The following EPHA2 variants were observed in gnomAD, a reference collection of about 807,000 sequenced individuals.
EPHA2 encodes the protein EPH receptor A2, also known as ephrin type-A receptor 2.
Under a neutral mutation model 104.9 loss-of-function variants are expected in EPHA2, and 54 were observed. The observed-to-expected ratio is 0.51, with a 90% CI of 0.41 to 0.65. The LOEUF (loss-of-function observed/expected upper bound fraction) is 0.65. Among genes scored for constraint, EPHA2 ranks in the 30% least tolerant of loss-of-function variants. EPHA2 has a pLI of 0.00. For synonymous variants in EPHA2, 560 were observed against 559.1 expected, an observed-to-expected ratio of 1.00 and a Z score of -0.02; for missense variants, 1,117 against 1,369.5, an observed-to-expected ratio of 0.82 and a Z score of 2.91.
chr1:16,132,589 G>C (rs2024596163), intron 11 of EPHA2, 150 bp from the exon 12 acceptor site: 5 of 810,364 alleles, frequency 6.2e-6, no homozygotes, highest in Non-Finnish European at 1.0e-5. Flanking sequence ...GTGGGTACAG[G>C]TATGGGGAGA....
rs2025019324 is a variant in EPHA2, at chr1:16,150,776, C to A, written c.153+120G>T. 10 of 1,149,002 alleles carry A rather than the reference C, an allele frequency of 8.7e-6. No individual in the cohort carries two copies. The highest frequency in any genetic ancestry group is 1.3e-5 in the Non-Finnish European group (10 of 773,126). 71.2% of individuals were successfully genotyped at this position (1,149,002 alleles called of 1,614,324 possible). On this transcript the variant is annotated intron_variant, in intron 2 of 16. Transcript: ENST00000358432. This position sits in a 1 kb window ranked among gnomAD's most constrained non-coding sequence, Gnocchi z 4.8. ...GAGAAGCTGGACCCTGAGCCTGAGACCTGGCTGAGCTGCTGAATTGAAGCC... is the reference window on the plus strand; with the variant it reads ...GAGAAGCTGGACCCTGAGCCTGAGAACTGGCTGAGCTGCTGAATTGAAGCC...
rs2024835610 is a variant in EPHA2 at position 16,142,189 on chromosome 1, TGGCCCCCC to T, written c.824-3767_824-3760del. ...CAGCCCTCCCAGACTGCCCAATTCC[TGGCCCCCC>T]GGCCCCCATTAGGGCATCTATTAAT... On this transcript the variant is annotated intron_variant, in intron 3 of 16. Transcript: ENST00000358432. Among the ~76,000 whole-genome samples, 3 of 152,336 alleles carry T rather than the reference TGGCCCCCC, an allele frequency of 2.0e-5. No individual in the cohort carries two copies. In the South Asian group the frequency reaches 6.2e-4, roughly 32 times the overall value.
At position 16,124,941 on chromosome 1, in the gene EPHA2, G is replaced by T; in HGVS notation, c.*274C>A. ...CCCATATGTCTGTCCGAAGGCTGTG[G>T]CGGGGCTCCTGCTCCAGGGATGCTG... On this transcript the variant is annotated 3_prime_UTR_variant, in exon 17 of 17. Transcript: ENST00000358432. 2.0e-6 allele frequency: 1 copy of T among 493,480 alleles called. No individual in the cohort carries two copies. Among genetic ancestry groups the T allele is most frequent in the Non-Finnish European group, 3.7e-6 (1 of 268,780 alleles). The allele number at this position is 493,480 out of a possible 1,614,324, so 30.6% of individuals were successfully genotyped here.
intron 16 of EPHA2, among the ~76,000 whole-genome samples, chr1:16,127,857 C>G (rs1054722044): frequency 3.9e-5 from 6 of 152,176 alleles, no homozygotes; most frequent in African/African-American, 7.2e-5. Flanking sequence ...AAGACTGCCC[C>G]GTCCCTGCTC....
intron 15 of EPHA2, 81 bp from the exon 16 acceptor site, chr1:16,129,670 A>C: frequency 6.6e-7 from 1 of 1,505,814 alleles, no homozygotes; most frequent in Non-Finnish European, 8.9e-7. Context: ...CCTAACCTGG[A>C]TGATTGACTC....
intron 1 of EPHA2, among the ~76,000 whole-genome samples, chr1:16,154,756 C>CAAAAAA (rs558609049): frequency 4.5e-5 from 3 of 66,860 alleles, no homozygotes; most frequent in Non-Finnish European, 5.7e-5. Context: ...AACTCCGTCT[C>CAAAAAA]AAAAAAAAAA....
Position 16,148,667 on chromosome 1 carries a change from G to T in EPHA2, c.534C>A (p.Phe178Leu), listed in dbSNP as rs776797736. The T allele has an allele frequency of 5.6e-6, 9 of 1,610,292 alleles. No homozygotes were observed. In the South Asian group the frequency reaches 8.8e-5, roughly 16 times the overall value. ...RSVGPLTRKG[F>L]YLAFQDIGAC... Reference sequence around the variant, plus strand: ...CACCGATATCCTGGAAGGCCAGGTAGAAGCCTTTGCGGGTGAGCGGCCCCA... The same window carrying T: ...CACCGATATCCTGGAAGGCCAGGTATAAGCCTTTGCGGGTGAGCGGCCCCA... Residue 178 changes from phenylalanine (F) to leucine (L), a missense_variant, in exon 3 of 17, where the codon TTC becomes TTA. This residue lies in a region of EPHA2 where 664 missense variants were observed against 784.8 expected (regional missense o/e 0.85). Coordinates refer to ENST00000358432, the MANE Select transcript of EPHA2 (RefSeq NM_004431.5). The surrounding 1 kb of genome is among the most constrained non-coding windows in gnomAD (Gnocchi z 4.9).
intron 3 of EPHA2, among the ~76,000 whole-genome samples, chr1:16,141,851 G>T (rs965239823): frequency 6.6e-5 from 10 of 152,360 alleles, no homozygotes; most frequent in Admixed American, 6.5e-4. Context: ...GAGAGGCAGC[G>T]TCAACAGGGC....
At chr1:16,129,677 A>C (rs2124193745) in intron 15 of EPHA2, 88 bp from the exon 16 acceptor site, 1 of 1,483,948 alleles carries the variant, frequency 6.7e-7, no homozygotes, top group South Asian at 1.3e-5. Context: ...TGGATGATTG[A>C]CTCGGCTGCC....
At position 16,134,982 on chromosome 1, in the gene EPHA2, A is replaced by C; in HGVS notation, c.1582+54T>G. On this transcript the variant is annotated intron_variant, in intron 7 of 16. Transcript: ENST00000358432. This position sits in a 1 kb window ranked among gnomAD's most constrained non-coding sequence, Gnocchi z 4.5. The stretch of plus-strand genomic sequence containing the variant: ...TTCACTTCCTTTCCCAAGATGTCTC[A>C]ATTGCTTGGTTCTGGGCCCTGGCCT... 1 of 1,601,306 alleles carries C rather than the reference A, an allele frequency of 6.2e-7. No homozygotes were observed. Among genetic ancestry groups the C allele is most frequent in the South Asian group, 1.1e-5 (1 of 90,742 alleles).
chr1:16,136,185 T>A (rs1230289678), intron 5 of EPHA2, among the ~76,000 whole-genome samples: 1 of 151,956 alleles, frequency 6.6e-6, no homozygotes, highest in Non-Finnish European at 1.5e-5. Flanking sequence ...GCTCTTTAGA[T>A]CCCAACCTAG....
intron 9 of EPHA2, 38 bp downstream of exon 9, chr1:16,133,822 C>T (rs755074344): frequency 9.2e-6 from 14 of 1,526,186 alleles, no homozygotes; most frequent in Middle Eastern, 3.7e-4. Context: ...GGGGACGGTG[C>T]GGGCAGGGCT....
Position 16,131,712 on chromosome 1 carries a change from G to A in EPHA2, c.2475+9C>T, listed in dbSNP as rs1362387051. ...TCCGGACAGGCCTGGGGAGGGCAAG[G>A]GCACCCACCTCGTGGTTGGACAACT... On this transcript the variant is annotated intron_variant, in intron 14 of 16. Coordinates refer to ENST00000358432, the MANE Select transcript of EPHA2 (RefSeq NM_004431.5). The surrounding 1 kb of genome is among the most constrained non-coding windows in gnomAD (Gnocchi z 5.2). 1.1e-5 allele frequency: 18 copies of A among 1,613,792 alleles called. No homozygotes were observed. The highest frequency in any genetic ancestry group is 1.5e-5 in the Non-Finnish European group (18 of 1,180,020).
At chr1:16,152,535 G>A (rs1468206283) in intron 1 of EPHA2, among the ~76,000 whole-genome samples, 1 of 152,126 alleles carries the variant, frequency 6.6e-6, no homozygotes, top group Non-Finnish European at 1.5e-5. Context: ...GCAGGGATTT[G>A]TTCAGACATG....
chr1:16,125,065 G>T lies in EPHA2; in HGVS notation c.*150C>A. 1.4e-6 allele frequency: 1 copy of T among 737,818 alleles called. No homozygotes were observed. Among genetic ancestry groups the T allele is most frequent in the Non-Finnish European group, 2.4e-6 (1 of 418,432 alleles). The allele number at this position is 737,818 out of a possible 1,614,324, so 45.7% of individuals were successfully genotyped here. A position where few individuals can be genotyped will look rare whatever the true frequency, so the allele number is the denominator to read the frequency against. ...GGTCATCTCCTCAGTTCAGGCCAGG[G>T]TGTCATCCGAGACCCCTCAGCGGAA... On this transcript the variant is annotated 3_prime_UTR_variant, in exon 17 of 17. Coordinates refer to ENST00000358432, the MANE Select transcript of EPHA2 (RefSeq NM_004431.5). This position sits in a 1 kb window ranked among gnomAD's most constrained non-coding sequence, Gnocchi z 4.9.
intron 5 of EPHA2, among the ~76,000 whole-genome samples, chr1:16,137,128 AG>A (rs576017604): frequency 1.3e-5 from 2 of 152,186 alleles, no homozygotes; most frequent in East Asian, 3.9e-4. Flanking sequence ...CCCACTTTAC[AG>A]GGGAGAACAT....
Position 16,134,520 on chromosome 1 carries a change from C to G in EPHA2, c.1630G>C (p.Gly544Arg), listed in dbSNP as rs143249377. ...GCCAGCACCAGAAGCAGGACCACAC[C>G]GACAGCCACGCCGCCAATCACCGCC... ...NLAVIGGVAVGVVLLLVLAGV... is the reference protein window; with the variant it reads ...NLAVIGGVAVRVVLLLVLAGV... The change falls in exon 8 of 17, where the codon GGT (glycine) becomes CGT (arginine). Residue 544 changes from glycine to arginine, a missense_variant. By Grantham distance (125) the Gly-to-Arg change is moderately radical. Around this residue, in one of 3 missense-constraint regions of EPHA2, gnomAD observed 664 missense variants for 784.8 expected, o/e 0.85. Transcript: ENST00000358432. This position sits in a 1 kb window ranked among gnomAD's most constrained non-coding sequence, Gnocchi z 4.5. 1 of 1,614,088 alleles carries G rather than the reference C, an allele frequency of 6.2e-7. No individual in the cohort carries two copies.
Position 16,135,591 on chromosome 1 carries a change from A to G in EPHA2, c.1428+64T>C, listed in dbSNP as rs1228416613. Reference sequence around the variant, plus strand: ...TGGCTGGGTGGTTTGGTGATCATCTATGTGACCAGCCTGTCCCCTGCTGTC... The same window carrying G: ...TGGCTGGGTGGTTTGGTGATCATCTGTGTGACCAGCCTGTCCCCTGCTGTC... On this transcript the variant is annotated intron_variant, in intron 6 of 16. Transcript: ENST00000358432. This position sits in a 1 kb window ranked among gnomAD's most constrained non-coding sequence, Gnocchi z 4.3. The G allele has an allele frequency of 6.8e-7, 1 of 1,478,300 alleles. No individual in the cohort carries two copies. The highest frequency in any genetic ancestry group is 2.3e-5 in the East Asian group (1 of 44,196). The allele number at this position is 1,478,300 out of a possible 1,614,324, so 91.6% of individuals were successfully genotyped here. A position where few individuals can be genotyped will look rare whatever the true frequency, so the allele number is the denominator to read the frequency against.
intron 1 of EPHA2, among the ~76,000 whole-genome samples, chr1:16,154,476 G>A (rs1557519057): frequency 2.0e-5 from 3 of 152,208 alleles, no homozygotes; most frequent in African/African-American, 2.4e-5. Flanking sequence ...GAAACAGGCC[G>A]GGGGTGGTGG....
Sources: gnomAD v4.1 joint callset for allele counts (sites outside exome capture counted in the v4.1 genomes callset) on GRCh38, gnomAD v4.1.1 for gene constraint, gnomAD v4.1.1 regional missense constraint, Gnocchi (gnomAD v3.1) non-coding constraint, MANE v1.5 for transcripts, NCBI Gene and HGNC (gene_info 2026-07-23, HGNC 2026-07-21) for gene names.